Variants in BACH2 observed in about 807,000 individuals in gnomAD.
BACH2 encodes the protein BACH transcriptional regulator 2, also known as transcription regulator protein BACH2.
BACH2 carries 5 observed loss-of-function variants against 61.8 expected under a neutral mutation model. That is an observed-to-expected ratio of 0.08 (90% confidence interval 0.04 to 0.17). BACH2 has a LOEUF of 0.17. Ranked by LOEUF, BACH2 falls within the 10% of genes least tolerant of loss-of-function variation. The pLI is 1.00. For missense variants in BACH2, 824 were observed against 1,091.1 expected (o/e 0.76, Z 3.45); for synonymous variants, 446 against 440.1 (o/e 1.01, Z -0.17).
chr6:89,984,948 T>C (rs183809685), intron 6 of BACH2, among the ~76,000 whole-genome samples: 136 of 152,310 alleles, frequency 8.9e-4, no homozygotes, highest in Admixed American at 1.9e-3. Flanking sequence ...ACTTTTAGGT[T>C]ATGCTGTACA....
At chr6:90,267,975 A>C (rs1771394981) in intron 2 of BACH2, among the ~76,000 whole-genome samples, 1 of 151,132 alleles carries the variant, frequency 6.6e-6, no homozygotes, top group Non-Finnish European at 1.5e-5. Flanking sequence ...AAAAAGTTTA[A>C]GTAAACAGCA....
At chr6:90,296,453 G>T (rs1772395084) in intron 1 of BACH2, 27 bp downstream of exon 1, 1 of 150,442 alleles carries the variant, frequency 6.6e-6, no homozygotes, top group African/African-American at 2.4e-5. Flanking sequence ...CAGCGGCGGG[G>T]CCCGGGGCCC....
At chr6:90,262,451 G>A (rs926389470) in intron 2 of BACH2, among the ~76,000 whole-genome samples, 6 of 152,122 alleles carry the variant, frequency 3.9e-5, no homozygotes, top group African/African-American at 1.4e-4. Context: ...ACCCATTCAT[G>A]GGTACCATGC....
intron 5 of BACH2, among the ~76,000 whole-genome samples, chr6:90,033,146 G>A (rs1264405774): frequency 2.6e-5 from 4 of 151,586 alleles, no homozygotes; most frequent in East Asian, 1.9e-4. Flanking sequence ...TCATAGGTGC[G>A]AATTGAACAA....
At chr6:90,223,830 G>C (rs533645172) in intron 3 of BACH2, among the ~76,000 whole-genome samples, 1 of 152,180 alleles carries the variant, frequency 6.6e-6, no homozygotes, top group African/African-American at 2.4e-5. Context: ...TCTGTATTTG[G>C]TTGCACTCAC....
At chr6:90,085,742 C>T (rs1346538802) in intron 5 of BACH2, among the ~76,000 whole-genome samples, 1 of 152,172 alleles carries the variant, frequency 6.6e-6, no homozygotes, top group Non-Finnish European at 1.5e-5. Context: ...CCTGCACCCT[C>T]ACAAACTGCA....
Position 89,943,922 on chromosome 6 carries a change from C to T in BACH2, c.1837-5572G>A, listed in dbSNP as rs532428985. 2.0e-5 allele frequency among the ~76,000 whole-genome samples: 3 copies of T among 152,322 alleles called. No individual in the cohort carries two copies. In the East Asian group the frequency reaches 5.8e-4, roughly 29 times the overall value. ...GTACTCTGAGGAGACCCTCAGATCC[C>T]AGGGAGCTGTCGAGGGAGGAAGCAA... On this transcript the variant is annotated intron_variant, in intron 7 of 8. Transcript: ENST00000257749.
At chr6:90,145,578 G>A (rs1324805311) in intron 4 of BACH2, among the ~76,000 whole-genome samples, 1 of 152,188 alleles carries the variant, frequency 6.6e-6, no homozygotes, top group African/African-American at 2.4e-5. Context: ...ATGGAAAAAT[G>A]CTTGACAAGG....
chr6:90,116,616 A>C (rs1783411649), intron 4 of BACH2: 1 of 241,004 alleles, frequency 4.1e-6, no homozygotes, highest in Non-Finnish European at 8.7e-6. Flanking sequence ...CTAAAATAAA[A>C]ATTAAAAAAA....
At chr6:90,005,650 A>G (rs1777366719) in intron 6 of BACH2, among the ~76,000 whole-genome samples, 1 of 152,228 alleles carries the variant, frequency 6.6e-6, no homozygotes, top group African/African-American at 2.4e-5. Context: ...TGCCCTGAGC[A>G]GAGGGGGAGG....
intron 3 of BACH2, among the ~76,000 whole-genome samples, chr6:90,240,869 T>A (rs1053288190): frequency 3.9e-5 from 6 of 152,156 alleles, no homozygotes; most frequent in African/African-American, 7.2e-5. Context: ...CTAACTTCCA[T>A]TAAATATAAT....
At chr6:89,966,214 A>T (rs906951608) in intron 6 of BACH2, among the ~76,000 whole-genome samples, 1 of 152,188 alleles carries the variant, frequency 6.6e-6, no homozygotes, top group African/African-American at 2.4e-5. Flanking sequence ...TCATGTAACA[A>T]GCTGAGATAT....
At chr6:90,220,998 G>A (rs953944159) in intron 3 of BACH2, among the ~76,000 whole-genome samples, 2 of 152,074 alleles carry the variant, frequency 1.3e-5, no homozygotes, top group East Asian at 3.9e-4. Flanking sequence ...TCCCAATTTT[G>A]TGCAACTAAA....
rs534424450 is a variant in BACH2 at position 90,077,811 on chromosome 6, T to C, written c.-13+11150A>G. On this transcript the variant is annotated intron_variant, in intron 5 of 8. Coordinates refer to ENST00000257749, the MANE Select transcript of BACH2 (RefSeq NM_021813.4). ...ATACAGTCATAACTTCTCTTTAACT[T>C]TGATAAATGAAGAAACAGCATTCTA... Among the ~76,000 whole-genome samples, 50 of 152,176 alleles carry C rather than the reference T, an allele frequency of 3.3e-4. 1 individual carries two copies. Among genetic ancestry groups the C allele is most frequent in the Admixed American group, 5.9e-4 (9 of 15,264 alleles).
At chr6:90,085,875 C>T (rs1032119743) in intron 5 of BACH2, among the ~76,000 whole-genome samples, 1 of 152,140 alleles carries the variant, frequency 6.6e-6, no homozygotes, top group African/African-American at 2.4e-5. Context: ...GTGTGCATTT[C>T]GGTGGCATTA....
chr6:90,158,537 A>AGG (rs1030232705), intron 4 of BACH2, among the ~76,000 whole-genome samples: 3 of 152,132 alleles, frequency 2.0e-5, no homozygotes, highest in Non-Finnish European at 4.4e-5. Context: ...AAGCTAGGAA[A>AGG]GGGACATCAG....
At chr6:89,953,707 G>A (rs1289252827) in intron 6 of BACH2, among the ~76,000 whole-genome samples, 1 of 152,210 alleles carries the variant, frequency 6.6e-6, no homozygotes, top group Non-Finnish European at 1.5e-5. Context: ...AATATGTCAT[G>A]AGTCAAACTG....
rs189190297 is a variant in BACH2 at position 90,164,207 on chromosome 6, T to C, written c.-162+42362A>G. Among the ~76,000 whole-genome samples the C allele has an allele frequency of 5.1e-3, 778 of 151,872 alleles. 4 individuals carry two copies. Among genetic ancestry groups the C allele is most frequent in the South Asian group, 0.011 (53 of 4,816 alleles). On this transcript the variant is annotated intron_variant, in intron 4 of 8. Transcript: ENST00000257749. ...AGAAAAGAGAGAAGAATCAAATAGA[T>C]GCAATAAAAAATGATAAAGGGGATA...
intron 7 of BACH2, among the ~76,000 whole-genome samples, chr6:89,939,942 TTC>T (rs2128354286): frequency 6.6e-6 from 1 of 151,458 alleles, no homozygotes; most frequent in East Asian, 1.9e-4. Flanking sequence ...GCTCAAGTGA[TTC>T]TCCCTACTCA....
Sources: gnomAD v4.1 joint callset for allele counts (sites outside exome capture counted in the v4.1 genomes callset) on GRCh38, gnomAD v4.1.1 for gene constraint, MANE v1.5 for transcripts, NCBI Gene and HGNC (gene_info 2026-07-23, HGNC 2026-07-21) for gene names.